The following CFAP141 variants were observed in gnomAD, a reference collection of about 807,000 sequenced individuals.
The protein encoded by CFAP141 is cilia- and flagella-associated protein 141.
chr1:154,200,711 T>G, the CFAP141 span: 1 of 1,127,724 alleles, frequency 8.9e-7, no homozygotes, highest in East Asian at 2.4e-5. Flanking sequence ...AGACAGAGTT[T>G]CACTCTTGTT....
chr1:154,202,670 G>A, the CFAP141 span, among the ~76,000 whole-genome samples: 3 of 151,404 alleles, frequency 2.0e-5, no homozygotes, highest in African/African-American at 7.3e-5. Context: ...GCGCAGTGGC[G>A]GGTGCCTGTA....
chr1:154,201,937 A>AT, the CFAP141 span, among the ~76,000 whole-genome samples: 543 of 138,732 alleles, frequency 3.9e-3, no homozygotes, highest in Non-Finnish European at 3.0e-3. Context: ...CGCCCAGGTA[A>AT]TTTTTTTTTT....
chr1:154,200,576 T>C, the CFAP141 span: 6 of 1,614,110 alleles, frequency 3.7e-6, no homozygotes, highest in South Asian at 4.4e-5. Flanking sequence ...AGTGAGTATG[T>C]GAATTTCGCC....
the CFAP141 span, among the ~76,000 whole-genome samples, chr1:154,204,728 A>G: frequency 6.6e-6 from 1 of 150,404 alleles, no homozygotes; most frequent in African/African-American, 2.5e-5. Context: ...CACCTAGCTA[A>G]TTTTAATTTT....
At chr1:154,203,401 A>G in the CFAP141 span, among the ~76,000 whole-genome samples, 1 of 149,562 alleles carries the variant, frequency 6.7e-6, no homozygotes, top group African/African-American at 2.5e-5. Flanking sequence ...CTGGGATTAT[A>G]GGCGTGTGCC....
the CFAP141 span, among the ~76,000 whole-genome samples, chr1:154,204,098 T>C: frequency 6.6e-6 from 1 of 151,736 alleles, no homozygotes; most frequent in Non-Finnish European, 1.5e-5. Flanking sequence ...TCTCAATAAA[T>C]AAATAAATAA....
chr1:154,199,665 C>A, the CFAP141 span: 2 of 613,954 alleles, frequency 3.3e-6, no homozygotes, highest in South Asian at 2.4e-5. Flanking sequence ...TGGGTGGTAG[C>A]AGAGAGGCTG....
the CFAP141 span, among the ~76,000 whole-genome samples, chr1:154,201,173 CA>C: frequency 7.2e-5 from 11 of 152,190 alleles, no homozygotes; most frequent in Admixed American, 7.2e-4. Context: ...TCTTGTTGCC[CA>C]GGCTAGAGTG....
the CFAP141 span, among the ~76,000 whole-genome samples, chr1:154,203,817 A>G: frequency 5.9e-5 from 9 of 152,260 alleles, no homozygotes; most frequent in East Asian, 5.8e-4. Context: ...GCTCACGCCT[A>G]TAATTCCAGC....
chr1:154,205,596 ACC>A, the CFAP141 span: 3 of 1,613,880 alleles, frequency 1.9e-6, 1 homozygote, highest in Admixed American at 3.3e-5. Context: ...GAAGCAGATT[ACC>A]TGTCGACCGT....
the CFAP141 span, among the ~76,000 whole-genome samples, chr1:154,202,659 G>A: frequency 6.6e-6 from 1 of 151,332 alleles, no homozygotes; most frequent in Non-Finnish European, 1.5e-5. Context: ...AAATTAGCTG[G>A]GCGCAGTGGC....
chr1:154,200,638 G>T, the CFAP141 span: 1 of 1,597,276 alleles, frequency 6.3e-7, no homozygotes, highest in Non-Finnish European at 8.5e-7. Flanking sequence ...AGAGTTAGGA[G>T]TAGAGACAAA....
the CFAP141 span, among the ~76,000 whole-genome samples, chr1:154,205,230 C>T: frequency 6.6e-6 from 1 of 152,080 alleles, no homozygotes; most frequent in Non-Finnish European, 1.5e-5. Context: ...GATACGTAGC[C>T]CAGTCTTGTG....
chr1:154,205,329 A>T, the CFAP141 span, among the ~76,000 whole-genome samples: 2 of 152,180 alleles, frequency 1.3e-5, no homozygotes, highest in African/African-American at 4.8e-5. Context: ...AATTCTTGAT[A>T]AAAAAAGAAA....
At chr1:154,200,635 G>C in the CFAP141 span, 1 of 1,602,496 alleles carries the variant, frequency 6.2e-7, no homozygotes, top group East Asian at 2.2e-5. Context: ...GTTAGAGTTA[G>C]GAGTAGAGAC....
At chr1:154,201,607 C>A in the CFAP141 span, among the ~76,000 whole-genome samples, 1 of 151,718 alleles carries the variant, frequency 6.6e-6, no homozygotes, top group Non-Finnish European at 1.5e-5. Flanking sequence ...ACGCTGGTGT[C>A]GAACTCCTGA....
chr1:154,203,172 AATATATATATATATAT>A, the CFAP141 span, among the ~76,000 whole-genome samples: 110 of 29,508 alleles, frequency 3.7e-3, 1 homozygote, highest in African/African-American at 4.2e-3. Context: ...TGACTGGGCA[AATATATATATATATAT>A]ATATATATAT....
chr1:154,199,426 A>G, the CFAP141 span: 2 of 1,600,154 alleles, frequency 1.2e-6, no homozygotes, highest in Non-Finnish European at 1.7e-6. Flanking sequence ...TTTGGATGCC[A>G]TCAGAATCTC....
the CFAP141 span, chr1:154,199,255 C>T: frequency 7.8e-6 from 4 of 512,700 alleles, no homozygotes; most frequent in Admixed American, 6.4e-5. Flanking sequence ...TCCCAAATAG[C>T]GGCAAAGGAT....
Sources: allele counts gnomAD v4.1 joint callset (sites outside exome capture counted in the v4.1 genomes callset), GRCh38; gene constraint gnomAD v4.1.1; transcripts MANE v1.5; gene names NCBI Gene and HGNC (gene_info 2026-07-23, HGNC 2026-07-21).